The following ZCCHC10 variants were observed in gnomAD, a reference collection of about 807,000 sequenced individuals.
ZCCHC10 encodes the protein zinc finger CCHC domain-containing protein 10.
Under a neutral mutation model 19.5 loss-of-function variants are expected in ZCCHC10, and 16 were observed. That is an observed-to-expected ratio of 0.82 (90% CI 0.56 to 1.25). The LOEUF (loss-of-function observed/expected upper bound fraction) is 1.25. Ranked by LOEUF, ZCCHC10 falls within the 50% of genes most tolerant of loss-of-function variation. The pLI, the probability that ZCCHC10 is intolerant of heterozygous loss-of-function variation, is 0.00. For missense variants in ZCCHC10, 197 were observed against 201.0 expected, an observed-to-expected ratio of 0.98 and a Z score of 0.12; for synonymous variants, 67 against 72.5, an observed-to-expected ratio of 0.92 and a Z score of 0.38.
intron 2 of ZCCHC10, among the ~76,000 whole-genome samples, chr5:133,010,764 C>G: frequency 6.6e-6 from 1 of 151,948 alleles, no homozygotes; most frequent in East Asian, 1.9e-4. Context: ...AATCACTGCA[C>G]CCAGCCACAA....
At chr5:133,012,146 AAAAAAAAAAG>A (rs1763588596) in intron 2 of ZCCHC10, among the ~76,000 whole-genome samples, 1 of 134,258 alleles carries the variant, frequency 7.4e-6, no homozygotes, top group Non-Finnish European at 1.6e-5. Flanking sequence ...CAAAAAAAAA[AAAAAAAAAAG>A]AAAGAAAGAA....
chr5:133,004,549 G>A (rs772423738), intron 3 of ZCCHC10, among the ~76,000 whole-genome samples: 6 of 151,316 alleles, frequency 4.0e-5, no homozygotes, highest in South Asian at 2.1e-4. Flanking sequence ...GTGCAGTGGC[G>A]CGATCTCGGC....
chr5:133,014,667 T>C (rs1219909506), intron 2 of ZCCHC10, among the ~76,000 whole-genome samples: 1 of 152,224 alleles, frequency 6.6e-6, no homozygotes, highest in African/African-American at 2.4e-5. Flanking sequence ...TGTGCTTCAA[T>C]TTGAGTTGGA....
Position 132,998,329 on chromosome 5 carries a change from T to G in ZCCHC10, c.*254A>C, listed in dbSNP as rs1026173004. The stretch of plus-strand genomic sequence containing the variant: ...AGATAGTTTCATCACACAAACAGAT[T>G]TGCAGATTTCAGCTTTAAGTTCTAG... On this transcript the variant is annotated 3_prime_UTR_variant, in exon 5 of 5. Transcript: ENST00000509437. 1 of 352,138 alleles carries G rather than the reference T, an allele frequency of 2.8e-6. No homozygotes were observed. The highest frequency in any genetic ancestry group is 5.7e-5 in the East Asian group (1 of 17,478). The allele number at this position is 352,138 out of a possible 1,614,324, so 21.8% of individuals were successfully genotyped here.
intron 2 of ZCCHC10, among the ~76,000 whole-genome samples, chr5:133,010,522 A>T (rs1581399647): frequency 6.6e-6 from 1 of 152,194 alleles, no homozygotes; most frequent in African/African-American, 2.4e-5. Flanking sequence ...TTAGCTTATG[A>T]GCCTCCAAAA....
At chr5:133,003,068 G>C (rs1270278133) in intron 3 of ZCCHC10, 6 of 259,336 alleles carry the variant, frequency 2.3e-5, no homozygotes, top group Non-Finnish European at 3.8e-5. Flanking sequence ...CCCAGGGCCT[G>C]GTGGCTAGGC....
chr5:133,016,418 T>G (rs1476401213), intron 2 of ZCCHC10, among the ~76,000 whole-genome samples: 1 of 152,210 alleles, frequency 6.6e-6, no homozygotes, highest in African/African-American at 2.4e-5. Context: ...GCCAAAAAGC[T>G]GAGAAGCAAT....
intron 1 of ZCCHC10, among the ~76,000 whole-genome samples, chr5:133,025,110 TCTGAG>T (rs1764584882): frequency 6.6e-6 from 1 of 152,094 alleles, no homozygotes; most frequent in Admixed American, 6.6e-5. Flanking sequence ...ACTAGCAGAC[TCTGAG>T]CTACATATAG....
intron 2 of ZCCHC10, among the ~76,000 whole-genome samples, chr5:133,017,863 A>G (rs980353956): frequency 8.5e-5 from 13 of 152,172 alleles, no homozygotes; most frequent in Admixed American, 7.9e-4. Context: ...TTAAAGAGAC[A>G]GCCAGGTGTG....
At chr5:133,025,146 T>C (rs1208535705) in intron 1 of ZCCHC10, among the ~76,000 whole-genome samples, 2 of 152,008 alleles carry the variant, frequency 1.3e-5, no homozygotes, top group Non-Finnish European at 2.9e-5. Context: ...GGAGATGGCA[T>C]GAAATATTTA....
chr5:133,004,286 T>C (rs1460004253), intron 3 of ZCCHC10, among the ~76,000 whole-genome samples: 2 of 151,956 alleles, frequency 1.3e-5, no homozygotes, highest in Non-Finnish European at 2.9e-5. Context: ...GTGATTCTCC[T>C]GCCTCAGCCT....
At chr5:133,020,151 T>C (rs11242132) in intron 2 of ZCCHC10, among the ~76,000 whole-genome samples, 46,933 of 151,588 alleles carry the variant, frequency 0.31, 8,157 homozygotes, top group African/African-American at 0.48. Flanking sequence ...GGCAACATAG[T>C]GACACCCTGC....
In ZCCHC10 at chr5:133,019,288, CTCACAAA is replaced by C. The variant is rs1764138089; in HGVS notation, c.107+3546_107+3552del. 3 of 203,468 alleles carry C rather than the reference CTCACAAA, an allele frequency of 1.5e-5. No homozygotes were observed. In the South Asian group the frequency reaches 1.7e-4, roughly 12 times the overall value. The allele number at this position is 203,468 out of a possible 1,614,324, so 12.6% of individuals were successfully genotyped here. ...ATATGTATGTTTTAAACACTCACAA[CTCACAAA>C]TCACCCCTAAAAATACTAATTTTCC... On this transcript the variant is annotated intron_variant, in intron 2 of 4. Transcript: ENST00000509437.
intron 4 of ZCCHC10, among the ~76,000 whole-genome samples, chr5:132,999,366 A>G (rs1418657754): frequency 6.6e-6 from 1 of 152,230 alleles, no homozygotes; most frequent in Non-Finnish European, 1.5e-5. Context: ...CAGCAACTTA[A>G]TTCTCTTGGA....
At chr5:133,017,596 C>T (rs904424406) in intron 2 of ZCCHC10, among the ~76,000 whole-genome samples, 7 of 152,094 alleles carry the variant, frequency 4.6e-5, no homozygotes, top group Non-Finnish European at 1.5e-5. Flanking sequence ...TTTCAAACTC[C>T]TGGCCTCAAG....
At chr5:133,023,532 T>C (rs1764469240) in intron 1 of ZCCHC10, among the ~76,000 whole-genome samples, 1 of 150,984 alleles carries the variant, frequency 6.6e-6, no homozygotes, top group South Asian at 2.1e-4. Flanking sequence ...CCCAGCACTT[T>C]GGGAGGCTGA....
chr5:133,019,659 T>C (rs1241435313), intron 2 of ZCCHC10, among the ~76,000 whole-genome samples: 1 of 152,114 alleles, frequency 6.6e-6, no homozygotes, highest in African/African-American at 2.4e-5. Context: ...AAAAAAATTT[T>C]AAATGTGCAT....
chr5:133,008,200 G>A (rs1368380663), intron 2 of ZCCHC10, among the ~76,000 whole-genome samples: 1 of 142,842 alleles, frequency 7.0e-6, no homozygotes, highest in Admixed American at 7.1e-5. Flanking sequence ...ACTCCAGTCT[G>A]GGTGACAGAG....
intron 2 of ZCCHC10, among the ~76,000 whole-genome samples, chr5:133,021,574 A>G (rs796511120): frequency 2.5e-4 from 38 of 152,288 alleles, no homozygotes; most frequent in African/African-American, 7.2e-4. Context: ...TTGGTAAGCT[A>G]ATTTAAAATT....
Sources: allele counts gnomAD v4.1 joint callset (sites outside exome capture counted in the v4.1 genomes callset), GRCh38; gene constraint gnomAD v4.1.1; transcripts MANE v1.5; gene names NCBI Gene and HGNC (gene_info 2026-07-23, HGNC 2026-07-21).